DAB2: variants seen among roughly 807,000 people sequenced by gnomAD.
The protein encoded by DAB2 is DAB adaptor protein 2, also known as disabled homolog 2.
A neutral mutation model predicts 71.6 loss-of-function variants in DAB2; 28 were observed. The ratio of observed to expected loss-of-function variants is 0.39; its 90% CI spans 0.29 to 0.54. The LOEUF (loss-of-function observed/expected upper bound fraction) is 0.54. DAB2 is among the 20% of genes least tolerant of loss of function. The pLI is 0.68. For missense variants in DAB2, 867 were observed against 928.8 expected, an observed-to-expected ratio of 0.93 and a Z score of 0.86; for synonymous variants, 345 against 339.7, an observed-to-expected ratio of 1.02 and a Z score of -0.17.
intron 4 of DAB2, 81 bp downstream of exon 4, chr5:39,392,284 G>T (rs994913107): frequency 5.4e-5 from 54 of 1,004,220 alleles, no homozygotes; most frequent in Non-Finnish European, 8.4e-5. Flanking sequence ...TGAGAACGAA[G>T]AAGGGGAGCC....
intron 10 of DAB2, 24 bp from the exon 11 acceptor site, chr5:39,381,640 G>A (rs2112034145): frequency 6.2e-7 from 1 of 1,612,930 alleles, no homozygotes; most frequent in African/African-American, 1.3e-5. Flanking sequence ...GAGGGAGGGA[G>A]AAGCCTTAGT....
chr5:39,416,553 T>C lies in DAB2; in HGVS notation c.-102+8251A>G, dbSNP rs181114638. The stretch of plus-strand genomic sequence containing the variant: ...CTCTGAAGAGGCCGTTGTCTTCTGT[T>C]TCCCCTAAACAGACACATAGACACA... On this transcript the variant is annotated intron_variant, in intron 1 of 14. Coordinates refer to ENST00000320816, the MANE Select transcript of DAB2 (RefSeq NM_001343.4). Among the ~76,000 whole-genome samples, 8 of 152,266 alleles carry C rather than the reference T, an allele frequency of 5.3e-5. No homozygotes were observed. In the East Asian group the frequency reaches 1.5e-3, roughly 29 times the overall value.
At chr5:39,373,942 G>T (rs1389383467) in intron 14 of DAB2, among the ~76,000 whole-genome samples, 1 of 152,106 alleles carries the variant, frequency 6.6e-6, no homozygotes, top group East Asian at 1.9e-4. Flanking sequence ...ATTCCTTAGG[G>T]CTGCAGTAGG....
At chr5:39,404,928 C>T (rs1277671575) in intron 1 of DAB2, among the ~76,000 whole-genome samples, 1 of 152,216 alleles carries the variant, frequency 6.6e-6, no homozygotes. Context: ...TGAAAGTGTT[C>T]ACAAGCTGAA....
Position 39,382,940 on chromosome 5 carries a change from A to G in DAB2, c.1019T>C (p.Val340Ala), listed in dbSNP as rs1360551516. The G allele has an allele frequency of 1.9e-6, 3 of 1,614,152 alleles. No individual in the cohort carries two copies. Among genetic ancestry groups the G allele is most frequent in the East Asian group, 2.2e-5 (1 of 44,872 alleles). ...GTCAAATTGCTGACCAAAGTAGTCA[A>G]CATCACCATTCAGGGGCCCATTACT... ...PLSNGPLNGD[V>A]DYFGQQFDQI... Residue 340 changes from valine to alanine, a missense_variant, in exon 10 of 15, where the codon GTT becomes GCT. Transcript: ENST00000320816.
intron 1 of DAB2, among the ~76,000 whole-genome samples, chr5:39,404,467 A>G (rs1755568829): frequency 6.7e-6 from 1 of 150,128 alleles, no homozygotes; most frequent in Non-Finnish European, 1.5e-5. Flanking sequence ...ATCTAAAAAA[A>G]AAAAAAAAAG....
intron 11 of DAB2, among the ~76,000 whole-genome samples, chr5:39,381,008 C>T (rs192617130): frequency 1.3e-5 from 2 of 152,316 alleles, no homozygotes; most frequent in Admixed American, 6.5e-5. Context: ...ACTTAACTTA[C>T]ATCCTTCTTG....
At chr5:39,384,511 A>G (rs993420104) in intron 9 of DAB2, among the ~76,000 whole-genome samples, 2 of 152,218 alleles carry the variant, frequency 1.3e-5, no homozygotes, top group Admixed American at 6.5e-5. Flanking sequence ...AAGGGGGACT[A>G]TTGTACAAGG....
At chr5:39,374,894 C>G in intron 14 of DAB2, 120 bp downstream of exon 14, 1 of 701,830 alleles carries the variant, frequency 1.4e-6, no homozygotes, top group Non-Finnish European at 2.5e-6. Flanking sequence ...CTGTCGATTA[C>G]TCCTAAATTA....
At chr5:39,406,371 C>T (rs1364031540) in intron 1 of DAB2, among the ~76,000 whole-genome samples, 4 of 152,140 alleles carry the variant, frequency 2.6e-5, no homozygotes, top group Non-Finnish European at 5.9e-5. Context: ...ACTTCCCATA[C>T]CTGGAGACAC....
chr5:39,375,119 G>C, intron 13 of DAB2, 35 bp from the exon 14 acceptor site: 1 of 1,491,788 alleles, frequency 6.7e-7, no homozygotes, highest in Non-Finnish European at 9.2e-7. Context: ...AATAAATACA[G>C]TTACAGTCAT....
chr5:39,387,185 T>C (rs1485321637), intron 9 of DAB2, among the ~76,000 whole-genome samples: 1 of 152,216 alleles, frequency 6.6e-6, no homozygotes, highest in African/African-American at 2.4e-5. Flanking sequence ...CCTCAAATTC[T>C]CTGCAGAAGT....
chr5:39,374,961 C>A, intron 14 of DAB2, 53 bp downstream of exon 14: 1 of 1,104,736 alleles, frequency 9.1e-7, no homozygotes, highest in Non-Finnish European at 1.4e-6. Flanking sequence ...TATTCCATGT[C>A]ACCCTTTCTC....
chr5:39,411,601 T>TCAGAGA (rs1755731282), intron 1 of DAB2, among the ~76,000 whole-genome samples: 1 of 152,204 alleles, frequency 6.6e-6, no homozygotes, highest in Admixed American at 6.5e-5. Flanking sequence ...TATGTAGGCA[T>TCAGAGA]TTTTAGCATC....
At chr5:39,379,705 C>T (rs1371593146) in intron 11 of DAB2, among the ~76,000 whole-genome samples, 1 of 152,084 alleles carries the variant, frequency 6.6e-6, no homozygotes, top group Non-Finnish European at 1.5e-5. Context: ...GCTCAGCTTT[C>T]TACAATACCC....
chr5:39,385,858 G>A (rs923767896), intron 9 of DAB2, among the ~76,000 whole-genome samples: 4 of 152,246 alleles, frequency 2.6e-5, no homozygotes, highest in Admixed American at 6.5e-5. Flanking sequence ...TAAGACCCAC[G>A]TTGTTTCTAG....
At chr5:39,380,611 C>T (rs1044577869) in intron 11 of DAB2, among the ~76,000 whole-genome samples, 1 of 152,166 alleles carries the variant, frequency 6.6e-6, no homozygotes, top group Non-Finnish European at 1.5e-5. Flanking sequence ...ACCATGGAGT[C>T]TGAAAAGAAC....
chr5:39,401,439 C>A (rs1755496769), intron 1 of DAB2, among the ~76,000 whole-genome samples: 1 of 152,196 alleles, frequency 6.6e-6, no homozygotes, highest in Non-Finnish European at 1.5e-5. Context: ...AGTTAAGATT[C>A]TATCAAACAG....
Position 39,373,273 on chromosome 5 carries a change from T to C in DAB2, c.*158A>G, listed in dbSNP as rs943206737. ...ACCTAGACAGAAAGTGAAAAGCATT[T>C]TACAAGTAGAAGAGGCAATGAGAAA... On this transcript the variant is annotated 3_prime_UTR_variant, in exon 15 of 15. Coordinates refer to ENST00000320816, the MANE Select transcript of DAB2 (RefSeq NM_001343.4). 3.3e-5 allele frequency: 5 copies of C among 152,354 alleles called. No homozygotes were observed. Among genetic ancestry groups the C allele is most frequent in the African/African-American group, 1.2e-4 (5 of 41,370 alleles). The allele number at this position is 152,354 out of a possible 1,614,324, so 9.4% of individuals were successfully genotyped here.
Sources: gnomAD v4.1 joint callset for allele counts (sites outside exome capture counted in the v4.1 genomes callset) on GRCh38, gnomAD v4.1.1 for gene constraint, MANE v1.5 for transcripts, NCBI Gene and HGNC (gene_info 2026-07-23, HGNC 2026-07-21) for gene names.